Variants in RETREG1 observed in about 807,000 individuals in gnomAD.
The protein encoded by RETREG1 is family with sequence similarity 134 member B.
Under a neutral mutation model 54.8 loss-of-function variants are expected in RETREG1, and 44 were observed. The observed-to-expected ratio is 0.80, with a 90% CI of 0.63 to 1.03. The LOEUF (loss-of-function observed/expected upper bound fraction) is 1.03. Among genes scored for constraint, RETREG1 ranks in the 50% least tolerant of loss-of-function variants. The probability of loss-of-function intolerance (pLI) is 0.00; values close to 1 mark genes in which losing one functional copy is unlikely to be tolerated. For synonymous variants in RETREG1, 217 were observed against 238.5 expected (o/e 0.91, Z 0.83); for missense variants, 554 against 605.1 (o/e 0.92, Z 0.89).
intron 3 of RETREG1, among the ~76,000 whole-genome samples, chr5:16,494,458 T>C (rs890021531): frequency 2.6e-5 from 4 of 152,162 alleles, no homozygotes; most frequent in Admixed American, 6.5e-5. Flanking sequence ...ATGAATGGTT[T>C]AGCACCATCC....
intron 3 of RETREG1, among the ~76,000 whole-genome samples, chr5:16,522,137 G>A (rs1396310843): frequency 6.6e-6 from 1 of 152,026 alleles, no homozygotes; most frequent in African/African-American, 2.4e-5. Context: ...GTGGTATCTA[G>A]GCATTTTCCA....
chr5:16,482,499 A>C (rs1250326234), intron 4 of RETREG1, among the ~76,000 whole-genome samples: 2 of 152,100 alleles, frequency 1.3e-5, no homozygotes, highest in Admixed American at 1.3e-4. Flanking sequence ...TCCAAATGCA[A>C]TACTGCCACT....
At position 16,616,814 on chromosome 5, in the gene RETREG1, G is replaced by C. The variant is rs1313056871; in HGVS notation, c.158C>G (p.Ala53Gly). 6.6e-7 allele frequency: 1 copy of C among 1,518,226 alleles called. No homozygotes were observed. The highest frequency in any genetic ancestry group is 1.4e-5 in the African/African-American group (1 of 70,022). The allele number at this position is 1,518,226 out of a possible 1,614,324, so 94.0% of individuals were successfully genotyped here. The stretch of plus-strand genomic sequence containing the variant: ...CGCGGCCTCCTCCACCTGCAACCCC[G>C]CGCCCTCCGCCGCCCCAGCTTCCTG... ...EAQEAGAAEG[A>G]GLQVEEAAGR... The change falls in exon 1 of 9, where the codon GCG (alanine) becomes GGG (glycine). Residue 53 changes from alanine to glycine, a missense_variant. Transcript: ENST00000306320.
At chr5:16,555,118 T>TATA (rs2126619789) in intron 3 of RETREG1, among the ~76,000 whole-genome samples, 1 of 152,302 alleles carries the variant, frequency 6.6e-6, no homozygotes, top group South Asian at 2.1e-4. Flanking sequence ...CTAACTAGAA[T>TATA]ATAAACTCTA....
At chr5:16,521,979 G>A (rs1395146428) in intron 3 of RETREG1, among the ~76,000 whole-genome samples, 1 of 152,186 alleles carries the variant, frequency 6.6e-6, no homozygotes, top group East Asian at 1.9e-4. Flanking sequence ...TCTTTGCCAC[G>A]TACCATCTGA....
chr5:16,596,835 T>G (rs945790598), intron 1 of RETREG1, among the ~76,000 whole-genome samples: 3 of 152,166 alleles, frequency 2.0e-5, no homozygotes, highest in African/African-American at 7.2e-5. Flanking sequence ...AACTAGAGAA[T>G]GGACCACAAA....
At chr5:16,539,597 G>C (rs888778538) in intron 3 of RETREG1, among the ~76,000 whole-genome samples, 1 of 152,120 alleles carries the variant, frequency 6.6e-6, no homozygotes, top group Non-Finnish European at 1.5e-5. Flanking sequence ...TGCACAAGCT[G>C]TCCCATGCTT....
intron 3 of RETREG1, among the ~76,000 whole-genome samples, chr5:16,490,077 G>A (rs1739186612): frequency 6.6e-6 from 1 of 152,154 alleles, no homozygotes; most frequent in Admixed American, 6.5e-5. Flanking sequence ...GAAACCTGGA[G>A]TAGATGGAAA....
At chr5:16,566,172 A>T (rs1742007396) in intron 2 of RETREG1, among the ~76,000 whole-genome samples, 1 of 152,204 alleles carries the variant, frequency 6.6e-6, no homozygotes, top group Admixed American at 6.5e-5. Flanking sequence ...ACACCATGTG[A>T]GTTCAGGGAA....
At chr5:16,558,835 C>T (rs751045488) in intron 3 of RETREG1, among the ~76,000 whole-genome samples, 1 of 152,210 alleles carries the variant, frequency 6.6e-6, no homozygotes, top group South Asian at 2.1e-4. Flanking sequence ...GAATTCAGAT[C>T]AGCCAATCTG....
At chr5:16,484,651 A>C (rs1185633031) in intron 3 of RETREG1, among the ~76,000 whole-genome samples, 1 of 152,182 alleles carries the variant, frequency 6.6e-6, no homozygotes, top group Non-Finnish European at 1.5e-5. Context: ...GACTTTTAAT[A>C]TATTTTGAAT....
intron 5 of RETREG1, 107 bp downstream of exon 5, chr5:16,480,902 G>T: frequency 2.7e-6 from 2 of 752,234 alleles, no homozygotes; most frequent in Non-Finnish European, 2.4e-6. Flanking sequence ...TAATCAACTT[G>T]TATTATAGTT....
At chr5:16,524,431 C>T (rs1455982021) in intron 3 of RETREG1, among the ~76,000 whole-genome samples, 3 of 152,098 alleles carry the variant, frequency 2.0e-5, no homozygotes, top group Admixed American at 6.5e-5. Flanking sequence ...TTTCCTATTT[C>T]AAGTACTAGA....
intron 3 of RETREG1, among the ~76,000 whole-genome samples, chr5:16,556,147 A>C (rs1741698449): frequency 1.5e-5 from 2 of 135,880 alleles, no homozygotes; most frequent in South Asian, 4.9e-4. Context: ...CTGCCACAGG[A>C]AACACCTTTT....
chr5:16,615,323 C>T (rs1186699720), intron 1 of RETREG1, among the ~76,000 whole-genome samples: 1 of 147,784 alleles, frequency 6.8e-6, no homozygotes, highest in Non-Finnish European at 1.5e-5. Flanking sequence ...TGGCGTGAAC[C>T]CGGGAGGCAG....
intron 3 of RETREG1, among the ~76,000 whole-genome samples, chr5:16,485,752 T>G (rs774723609): frequency 6.6e-6 from 1 of 152,172 alleles, no homozygotes. Context: ...TAAGGAAGGG[T>G]CTTATCTATT....
chr5:16,531,663 G>A (rs759245081), intron 3 of RETREG1, among the ~76,000 whole-genome samples: 66 of 152,112 alleles, frequency 4.3e-4, no homozygotes, highest in Non-Finnish European at 8.2e-4. Context: ...AGGATACCTT[G>A]GGCTTGGAAG....
chr5:16,613,332 T>A (rs1238015327), intron 1 of RETREG1, among the ~76,000 whole-genome samples: 2 of 152,228 alleles, frequency 1.3e-5, no homozygotes, highest in Non-Finnish European at 2.9e-5. Flanking sequence ...CTCTTGATCA[T>A]CTACTAGATC....
intron 3 of RETREG1, among the ~76,000 whole-genome samples, chr5:16,484,263 T>C (rs1034580664): frequency 1.4e-4 from 22 of 152,106 alleles, no homozygotes; most frequent in African/African-American, 5.3e-4. Context: ...AGAAGACACA[T>C]GTAAATACAT....
Sources: gnomAD v4.1 joint callset for allele counts (sites outside exome capture counted in the v4.1 genomes callset) on GRCh38, gnomAD v4.1.1 for gene constraint, MANE v1.5 for transcripts, NCBI Gene and HGNC (gene_info 2026-07-23, HGNC 2026-07-21) for gene names.